The following ARHGAP24 variants were observed in gnomAD, a reference collection of about 807,000 sequenced individuals.
ARHGAP24 encodes the protein Rho GTPase activating protein 24, also known as rho GTPase-activating protein 24.
ARHGAP24 carries 50 observed loss-of-function variants against 76.4 expected under a neutral mutation model. That is an observed-to-expected ratio of 0.65 (90% CI 0.52 to 0.83). The LOEUF is 0.83. Ranked by LOEUF, ARHGAP24 falls within the 40% of genes least tolerant of loss-of-function variation. The pLI, the probability that ARHGAP24 is intolerant of heterozygous loss-of-function variation, is 0.00. For synonymous variants in ARHGAP24, 345 were observed against 323.3 expected (o/e 1.07, Z -0.72); for missense variants, 930 against 914.2 (o/e 1.02, Z -0.22).
chr4:85,796,329 T>C (rs1728338752), intron 3 of ARHGAP24, among the ~76,000 whole-genome samples: 1 of 151,052 alleles, frequency 6.6e-6, no homozygotes. Context: ...GTTAACAGTG[T>C]TTGAATATCA....
chr4:85,493,472 G>C (rs530912726), intron 1 of ARHGAP24, among the ~76,000 whole-genome samples: 18 of 152,176 alleles, frequency 1.2e-4, no homozygotes, highest in Non-Finnish European at 2.2e-4. Context: ...ATGTATATCA[G>C]TATGGACTCG....
intron 1 of ARHGAP24, among the ~76,000 whole-genome samples, chr4:85,481,940 G>T (rs537211878): frequency 2.6e-5 from 4 of 152,198 alleles, no homozygotes; most frequent in Non-Finnish European, 5.9e-5. Context: ...TCTCAGAGAA[G>T]GGCAATTATT....
intron 3 of ARHGAP24, among the ~76,000 whole-genome samples, chr4:85,880,875 T>G (rs577452121): frequency 6.6e-6 from 1 of 152,224 alleles, no homozygotes; most frequent in Non-Finnish European, 1.5e-5. Context: ...TAGTGCAGAC[T>G]TCTTTTTCCT....
intron 4 of ARHGAP24, chr4:85,931,162 A>G: frequency 9.6e-7 from 1 of 1,040,470 alleles, no homozygotes; most frequent in East Asian, 2.8e-5. Flanking sequence ...AGGACTGTAC[A>G]AGAGTGATTT....
At chr4:85,590,253 C>T (rs1414065303) in intron 2 of ARHGAP24, among the ~76,000 whole-genome samples, 1 of 150,776 alleles carries the variant, frequency 6.6e-6, no homozygotes, top group Admixed American at 6.6e-5. Context: ...TCCCACCTCC[C>T]TCCATCCCTC....
rs546278138 is a variant in ARHGAP24 at position 85,556,116 on chromosome 4, G to T, written c.-20-14406G>T. 3.3e-5 allele frequency among the ~76,000 whole-genome samples: 5 copies of T among 152,152 alleles called. No homozygotes were observed. In the South Asian group the frequency reaches 1.0e-3, roughly 32 times the overall value. On this transcript the variant is annotated intron_variant, in intron 1 of 9. Transcript: ENST00000395184. ...GGGGTGACTGCAACTGCTGGCCCAAGCTTGGGGCCCGACTGGGTGAAGAGT... is the reference window on the plus strand; with the variant it reads ...GGGGTGACTGCAACTGCTGGCCCAATCTTGGGGCCCGACTGGGTGAAGAGT...
chr4:85,919,888 C>G (rs893766758), intron 3 of ARHGAP24, among the ~76,000 whole-genome samples: 17 of 152,204 alleles, frequency 1.1e-4, no homozygotes, highest in African/African-American at 3.9e-4. Flanking sequence ...ATAAGTGGAT[C>G]AGAATACAAA....
intron 3 of ARHGAP24, among the ~76,000 whole-genome samples, chr4:85,865,974 C>T (rs1732176074): frequency 6.6e-6 from 1 of 151,976 alleles, no homozygotes; most frequent in South Asian, 2.1e-4. Flanking sequence ...GATTTACTTG[C>T]TGGAAATACC....
intron 1 of ARHGAP24, among the ~76,000 whole-genome samples, chr4:85,568,567 G>C (rs1578043187): frequency 6.6e-6 from 1 of 152,086 alleles, no homozygotes; most frequent in Admixed American, 6.6e-5. Flanking sequence ...AGTAGGTCGG[G>C]TACTGCGAAA....
At chr4:85,858,308 G>C (rs1309855749) in intron 3 of ARHGAP24, among the ~76,000 whole-genome samples, 1 of 152,166 alleles carries the variant, frequency 6.6e-6, no homozygotes, top group African/African-American at 2.4e-5. Context: ...TGCTAATGAA[G>C]ATGCAGTGTT....
At chr4:85,766,060 A>C (rs1373728980) in intron 3 of ARHGAP24, among the ~76,000 whole-genome samples, 1 of 152,156 alleles carries the variant, frequency 6.6e-6, no homozygotes, top group Non-Finnish European at 1.5e-5. Context: ...TGTACTTCAC[A>C]ATCTGCTTTC....
At chr4:85,726,789 C>CTT (rs1725184701) in intron 3 of ARHGAP24, among the ~76,000 whole-genome samples, 6 of 152,190 alleles carry the variant, frequency 3.9e-5, no homozygotes, top group Admixed American at 3.9e-4. Flanking sequence ...ATCCTTACTA[C>CTT]AACTCTATGA....
At chr4:85,557,741 T>A (rs1375992782) in intron 1 of ARHGAP24, among the ~76,000 whole-genome samples, 1 of 152,206 alleles carries the variant, frequency 6.6e-6, no homozygotes, top group East Asian at 1.9e-4. Context: ...GTAGAAATAT[T>A]TCTGTAATCA....
intron 5 of ARHGAP24, among the ~76,000 whole-genome samples, chr4:85,966,408 C>G (rs1210379909): frequency 6.6e-6 from 1 of 152,104 alleles, no homozygotes; most frequent in Non-Finnish European, 1.5e-5. Context: ...CAGCACTTAG[C>G]CTGGAGGTGA....
At chr4:85,988,436 C>A (rs1040559099) in intron 8 of ARHGAP24, among the ~76,000 whole-genome samples, 1 of 151,350 alleles carries the variant, frequency 6.6e-6, no homozygotes, top group Non-Finnish European at 1.5e-5. Flanking sequence ...AACATGAAAG[C>A]AGACTACTTT....
intron 1 of ARHGAP24, among the ~76,000 whole-genome samples, chr4:85,515,370 T>TG (rs1724455521): frequency 3.8e-5 from 1 of 26,432 alleles, no homozygotes; most frequent in South Asian, 3.0e-3. Context: ...ATGCAGGTAA[T>TG]CTTTTTTTTT....
At chr4:85,535,115 A>G (rs989685239) in intron 1 of ARHGAP24, among the ~76,000 whole-genome samples, 2 of 152,210 alleles carry the variant, frequency 1.3e-5, no homozygotes, top group South Asian at 4.1e-4. Flanking sequence ...GCTCAGTTTT[A>G]GATACTGATA....
chr4:85,898,924 A>G (rs1389378433), intron 3 of ARHGAP24, among the ~76,000 whole-genome samples: 2 of 152,006 alleles, frequency 1.3e-5, no homozygotes, highest in African/African-American at 4.8e-5. Context: ...TTGTATGTTT[A>G]GTAGAGATGG....
At chr4:85,552,854 A>C (rs1032236441) in intron 1 of ARHGAP24, among the ~76,000 whole-genome samples, 1 of 151,878 alleles carries the variant, frequency 6.6e-6, no homozygotes, top group Admixed American at 6.6e-5. Flanking sequence ...TGCTTGGTAG[A>C]TTTTTCTCTA....
Sources: gnomAD v4.1 joint callset for allele counts (sites outside exome capture counted in the v4.1 genomes callset) on GRCh38, gnomAD v4.1.1 for gene constraint, MANE v1.5 for transcripts, NCBI Gene and HGNC (gene_info 2026-07-23, HGNC 2026-07-21) for gene names.